CDC42BPA: variants seen among roughly 807,000 people sequenced by gnomAD.
The protein encoded by CDC42BPA is CDC42 binding protein kinase alpha.
CDC42BPA carries 80 observed loss-of-function variants against 223.5 expected under a neutral mutation model. The ratio of observed to expected loss-of-function variants is 0.36; its 90% CI spans 0.30 to 0.43. The LOEUF (loss-of-function observed/expected upper bound fraction) is 0.43. Among genes scored for constraint, CDC42BPA ranks in the 20% least tolerant of loss-of-function variants. The pLI is 1.00. For missense variants in CDC42BPA, 1,743 were observed against 2,099.9 expected (o/e 0.83, Z 3.32); for synonymous variants, 694 against 718.6 (o/e 0.97, Z 0.55).
In CDC42BPA at chr1:227,199,628, C is replaced by T; in HGVS notation, c.379G>A (p.Asp127Asn). The T allele has an allele frequency of 6.2e-7, 1 of 1,606,056 alleles. No homozygotes were observed. Among genetic ancestry groups the T allele is most frequent in the Non-Finnish European group, 8.5e-7 (1 of 1,174,422 alleles). The stretch of plus-strand genomic sequence containing the variant: ...TTATTGTCTCCATTCACTAATACAT[C>T]CCTTTCTTCACGAAAACATGCTGTC... ...AETACFREER[D>N]VLVNGDNKWI... The change falls in exon 4 of 37, where the codon GAT (aspartate) becomes AAT (asparagine). Residue 127 changes from aspartate to asparagine, a missense_variant. Asp to Asn is a conservative substitution (Grantham distance 23). Coordinates refer to ENST00000366766, the MANE Select transcript of CDC42BPA (RefSeq NM_001394014.1).
intron 5 of CDC42BPA, among the ~76,000 whole-genome samples, chr1:227,179,840 A>C (rs901190354): frequency 1.1e-4 from 17 of 152,014 alleles, no homozygotes; most frequent in Non-Finnish European, 4.4e-5. Context: ...AATATTAACT[A>C]TCAAGGATAA....
rs549057364 is a variant in CDC42BPA, at chr1:227,273,018, C to T, written c.179-18863G>A. On this transcript the variant is annotated intron_variant, in intron 1 of 36. Transcript: ENST00000366766. ...ATAAAAACTTCAAAGAGGGGTTGGGCACGGTGGCTCACGCCTGTAATCCCA... is the reference window on the plus strand; with the variant it reads ...ATAAAAACTTCAAAGAGGGGTTGGGTACGGTGGCTCACGCCTGTAATCCCA... 2.0e-5 allele frequency among the ~76,000 whole-genome samples: 3 copies of T among 152,338 alleles called. No individual in the cohort carries two copies. The South Asian group carries it at 6.2e-4, about 32-fold the overall frequency.
intron 16 of CDC42BPA, among the ~76,000 whole-genome samples, chr1:227,090,023 C>A (rs781070586): frequency 6.6e-6 from 1 of 151,872 alleles, no homozygotes. Context: ...CAATTATTGA[C>A]CTGCTTGGAT....
At chr1:227,118,343 A>G (rs1214513801) in intron 12 of CDC42BPA, among the ~76,000 whole-genome samples, 1 of 152,172 alleles carries the variant, frequency 6.6e-6, no homozygotes. Flanking sequence ...CATCAAAACC[A>G]TAATGAGCTG....
intron 23 of CDC42BPA, among the ~76,000 whole-genome samples, chr1:227,042,402 T>G (rs1247599045): frequency 6.6e-6 from 1 of 151,954 alleles, no homozygotes; most frequent in Non-Finnish European, 1.5e-5. Flanking sequence ...ACCCAGTGTT[T>G]TGGCTGAGCA....
intron 3 of CDC42BPA, among the ~76,000 whole-genome samples, chr1:227,204,659 T>C (rs975698204): frequency 8.5e-5 from 13 of 152,162 alleles, no homozygotes; most frequent in African/African-American, 2.9e-4. Flanking sequence ...CAGCATTTCA[T>C]AGTAAAATTT....
intron 1 of CDC42BPA, among the ~76,000 whole-genome samples, chr1:227,277,080 A>G (rs1273089983): frequency 1.4e-5 from 1 of 69,528 alleles, no homozygotes; most frequent in South Asian, 4.0e-4. Context: ...ATAAATACTA[A>G]AAAAAAAAAA....
chr1:227,039,181 C>T (rs1463779716), intron 24 of CDC42BPA, among the ~76,000 whole-genome samples: 5 of 151,978 alleles, frequency 3.3e-5, no homozygotes, highest in East Asian at 1.9e-4. Flanking sequence ...TTAAGGGCAC[C>T]CATCTTTCTT....
intron 1 of CDC42BPA, among the ~76,000 whole-genome samples, chr1:227,286,600 A>C (rs1348283923): frequency 6.6e-6 from 1 of 152,154 alleles, no homozygotes; most frequent in Non-Finnish European, 1.5e-5. Context: ...TCCAGTTCCA[A>C]AGCCACTTCC....
At position 227,138,581 on chromosome 1, in the gene CDC42BPA, T is replaced by C. The variant is rs114380919; in HGVS notation, c.1390+995A>G. ...AATAAAAGGTCCATAGGGTCAAATATTGCTGATAGGTTAAAAGGTGAAGAC... is the reference window on the plus strand; with the variant it reads ...AATAAAAGGTCCATAGGGTCAAATACTGCTGATAGGTTAAAAGGTGAAGAC... On this transcript the variant is annotated intron_variant, in intron 10 of 36. Coordinates refer to ENST00000366766, the MANE Select transcript of CDC42BPA (RefSeq NM_001394014.1). 2.1e-3 allele frequency among the ~76,000 whole-genome samples: 314 copies of C among 146,216 alleles called. 3 individuals carry two copies. The highest frequency in any genetic ancestry group is 7.4e-3 in the African/African-American group (296 of 39,742).
chr1:227,195,747 A>G (rs1218909453), intron 4 of CDC42BPA, among the ~76,000 whole-genome samples: 1 of 152,176 alleles, frequency 6.6e-6, no homozygotes. Flanking sequence ...GTAAAATTGA[A>G]TATTTGGTAC....
rs75855525 is a variant in CDC42BPA, at chr1:227,021,412, T to A, written c.4615+1851A>T. Reference sequence around the variant, plus strand: ...TCATTAACTTCACGGGGTATCCATCTCTAAATGAGAATCACTTCTAAAACC... The same window carrying A: ...TCATTAACTTCACGGGGTATCCATCACTAAATGAGAATCACTTCTAAAACC... On this transcript the variant is annotated intron_variant, in intron 32 of 36. Coordinates refer to ENST00000366766, the MANE Select transcript of CDC42BPA (RefSeq NM_001394014.1). Among the ~76,000 whole-genome samples, 83 of 152,298 alleles carry A rather than the reference T, an allele frequency of 5.4e-4. No homozygotes were observed. The East Asian group carries it at 7.0e-3, about 13-fold the overall frequency.
At chr1:227,277,263 T>C (rs897591157) in intron 1 of CDC42BPA, among the ~76,000 whole-genome samples, 1 of 152,126 alleles carries the variant, frequency 6.6e-6, no homozygotes, top group Non-Finnish European at 1.5e-5. Context: ...CTATCTCTAA[T>C]AAAGAAATTG....
intron 2 of CDC42BPA, among the ~76,000 whole-genome samples, chr1:227,216,669 G>C (rs1338243416): frequency 6.6e-6 from 1 of 152,142 alleles, no homozygotes; most frequent in Non-Finnish European, 1.5e-5. Flanking sequence ...GATTCTCTTA[G>C]AACTCTAACC....
intron 35 of CDC42BPA, among the ~76,000 whole-genome samples, chr1:227,000,974 T>C (rs563586931): frequency 6.6e-6 from 1 of 152,232 alleles, no homozygotes; most frequent in Admixed American, 6.5e-5. Context: ...CTCTTGGGGA[T>C]GAGCAATATC....
At chr1:227,058,152 C>T (rs1168666121) in intron 21 of CDC42BPA, among the ~76,000 whole-genome samples, 2 of 152,128 alleles carry the variant, frequency 1.3e-5, no homozygotes, top group African/African-American at 2.4e-5. Flanking sequence ...ATCAGTTGAA[C>T]TAGTAATCTT....
chr1:227,031,452 A>G lies in CDC42BPA; in HGVS notation c.3621T>C (p.Thr1207=). Residue 1207 remains threonine, a synonymous_variant, in exon 28 of 37, where the codon ACT becomes ACC. Transcript: ENST00000366766. ...CCACCCACTTATTCTTCTCATTCTCAGTGTCTGCTAGCATCAGGATTGAAC... is the reference window on the plus strand; with the variant it reads ...CCACCCACTTATTCTTCTCATTCTCGGTGTCTGCTAGCATCAGGATTGAAC... ...NKCSILMLAD[T]ENEKNKWVGV... 6.2e-7 allele frequency: 1 copy of G among 1,614,064 alleles called. No individual in the cohort carries two copies. Among genetic ancestry groups the G allele is most frequent in the Non-Finnish European group, 8.5e-7 (1 of 1,180,000 alleles).
intron 5 of CDC42BPA, among the ~76,000 whole-genome samples, chr1:227,164,281 G>A (rs989514570): frequency 2.6e-5 from 4 of 152,070 alleles, no homozygotes; most frequent in African/African-American, 4.8e-5. Context: ...ATCAATGCTG[G>A]AATTAGCTTA....
At chr1:227,052,573 C>T (rs1285406770) in intron 21 of CDC42BPA, among the ~76,000 whole-genome samples, 1 of 152,098 alleles carries the variant, frequency 6.6e-6, no homozygotes, top group Non-Finnish European at 1.5e-5. Context: ...TAAAATTTAG[C>T]ATAAAAGATC....
Sources: gnomAD v4.1 joint callset for allele counts (sites outside exome capture counted in the v4.1 genomes callset) on GRCh38, gnomAD v4.1.1 for gene constraint, MANE v1.5 for transcripts, NCBI Gene and HGNC (gene_info 2026-07-23, HGNC 2026-07-21) for gene names.